Variants in BMERB1 observed in about 807,000 individuals in gnomAD.
The protein encoded by BMERB1 is bMERB domain-containing protein 1.
In BMERB1, 12 loss-of-function variants were observed where a neutral mutation model predicts 23.6. The ratio of observed to expected loss-of-function variants is 0.51; its 90% CI spans 0.33 to 0.82. The LOEUF (loss-of-function observed/expected upper bound fraction) is 0.82, where lower values mean the gene tolerates loss of function less well. Ranked by LOEUF, BMERB1 falls within the 40% of genes least tolerant of loss-of-function variation. BMERB1 has a pLI of 0.03. For missense variants in BMERB1, 247 were observed against 255.4 expected (o/e 0.97, Z 0.22); for synonymous variants, 122 against 96.6 (o/e 1.26, Z -1.54).
At chr16:15,439,061 T>C (rs1189096561) in intron 1 of BMERB1, among the ~76,000 whole-genome samples, 1 of 152,228 alleles carries the variant, frequency 6.6e-6, no homozygotes, top group Admixed American at 6.5e-5. Flanking sequence ...TTAAACAGAA[T>C]TGAAGAGGGG....
At chr16:15,525,119 ACTG>A (rs149898971) in intron 2 of BMERB1, among the ~76,000 whole-genome samples, 2,051 of 152,350 alleles carry the variant, frequency 0.013, 18 homozygotes, top group South Asian at 0.024. Flanking sequence ...AGTAAAGCAG[ACTG>A]CCCTCCCTAA....
chr16:15,464,579 A>T (rs2051165853), intron 1 of BMERB1, among the ~76,000 whole-genome samples: 1 of 152,182 alleles, frequency 6.6e-6, no homozygotes, highest in South Asian at 2.1e-4. Context: ...GAGGTGGATT[A>T]TTCATGAGTT....
intron 1 of BMERB1, among the ~76,000 whole-genome samples, chr16:15,455,025 AGAG>A (rs990512340): frequency 1.3e-5 from 2 of 152,018 alleles, no homozygotes; most frequent in Non-Finnish European, 2.9e-5. Context: ...GCTGAAATGA[AGAG>A]GAGAAGTGTA....
intron 1 of BMERB1, among the ~76,000 whole-genome samples, chr16:15,503,003 C>T (rs1485711283): frequency 6.6e-6 from 1 of 152,194 alleles, no homozygotes; most frequent in African/African-American, 2.4e-5. Context: ...TGTCTAGGCA[C>T]TACACCAAGC....
chr16:15,531,276 T>TA (rs1340100876), intron 2 of BMERB1, among the ~76,000 whole-genome samples: 5 of 152,118 alleles, frequency 3.3e-5, no homozygotes, highest in Non-Finnish European at 7.3e-5. Flanking sequence ...AATGGACTAA[T>TA]ACAGTTGGGA....
intron 2 of BMERB1, among the ~76,000 whole-genome samples, chr16:15,516,163 C>T (rs1413937241): frequency 2.6e-5 from 4 of 152,116 alleles, no homozygotes; most frequent in Non-Finnish European, 4.4e-5. Flanking sequence ...GTGGCTCACA[C>T]CTGTAATCAC....
At chr16:15,498,783 G>A (rs988639310) in intron 1 of BMERB1, among the ~76,000 whole-genome samples, 1 of 152,208 alleles carries the variant, frequency 6.6e-6, no homozygotes, top group Non-Finnish European at 1.5e-5. Flanking sequence ...TGTCCCCCAG[G>A]GGATACTTGC....
intron 1 of BMERB1, among the ~76,000 whole-genome samples, chr16:15,509,062 G>T (rs571650906): frequency 1.1e-4 from 17 of 151,884 alleles, no homozygotes; most frequent in South Asian, 8.3e-4. Flanking sequence ...TGGCACCACC[G>T]CCTCCATCCT....
intron 1 of BMERB1, among the ~76,000 whole-genome samples, chr16:15,508,828 C>CAA (rs1181215065): frequency 0.022 from 1,259 of 55,982 alleles, 29 homozygotes; most frequent in African/African-American, 0.076. Context: ...CCTGCCCCAC[C>CAA]AAAAAAAAAA....
At chr16:15,473,901 T>A (rs1235774796) in intron 1 of BMERB1, among the ~76,000 whole-genome samples, 2 of 151,840 alleles carry the variant, frequency 1.3e-5, no homozygotes, top group African/African-American at 4.8e-5. Context: ...AGGCGGATCA[T>A]GAGGTCAGGA....
intron 1 of BMERB1, among the ~76,000 whole-genome samples, chr16:15,444,814 CT>C (rs1044754988): frequency 1.3e-5 from 2 of 152,154 alleles, no homozygotes; most frequent in African/African-American, 4.8e-5. Flanking sequence ...GTTATTTCAC[CT>C]TTTTTTCCCC....
intron 1 of BMERB1, among the ~76,000 whole-genome samples, chr16:15,487,493 T>A (rs1183601024): frequency 5.3e-5 from 8 of 152,066 alleles, no homozygotes; most frequent in Non-Finnish European, 1.5e-5. Context: ...AGGAAAGGGG[T>A]CCCGATCCAG....
At chr16:15,446,880 A>G (rs2050994543) in intron 1 of BMERB1, among the ~76,000 whole-genome samples, 1 of 152,172 alleles carries the variant, frequency 6.6e-6, no homozygotes, top group African/African-American at 2.4e-5. Flanking sequence ...CGTTCACAAA[A>G]ATGGAGGAGG....
At chr16:15,439,226 C>T (rs926067591) in intron 1 of BMERB1, among the ~76,000 whole-genome samples, 2 of 152,120 alleles carry the variant, frequency 1.3e-5, no homozygotes, top group East Asian at 3.8e-4. Context: ...TTCAAACCAG[C>T]CTCATTCAGC....
intron 2 of BMERB1, among the ~76,000 whole-genome samples, chr16:15,526,136 A>G (rs1369105607): frequency 6.6e-6 from 1 of 152,210 alleles, no homozygotes; most frequent in Non-Finnish European, 1.5e-5. Flanking sequence ...GAAAGCATAC[A>G]TTTGTATAGG....
chr16:15,520,149 GA>G (rs1388622733), intron 2 of BMERB1, among the ~76,000 whole-genome samples: 3 of 152,222 alleles, frequency 2.0e-5, no homozygotes, highest in African/African-American at 7.2e-5. Flanking sequence ...TGAGGTCGGA[GA>G]GGCAAAGTGA....
chr16:15,456,107 G>A (rs1177037709), intron 1 of BMERB1, among the ~76,000 whole-genome samples: 1 of 152,032 alleles, frequency 6.6e-6, no homozygotes, highest in Non-Finnish European at 1.5e-5. Context: ...CAATACAAAA[G>A]TGTAGAAAGT....
At chr16:15,571,637 G>C (rs1338784802) in intron 3 of BMERB1, among the ~76,000 whole-genome samples, 1 of 152,090 alleles carries the variant, frequency 6.6e-6, no homozygotes, top group Non-Finnish European at 1.5e-5. Flanking sequence ...TTACAGGTGT[G>C]AGCCACCACA....
At chr16:15,575,675 T>A (rs2030840138) in intron 3 of BMERB1, among the ~76,000 whole-genome samples, 1 of 152,158 alleles carries the variant, frequency 6.6e-6, no homozygotes, top group African/African-American at 2.4e-5. Flanking sequence ...GGAGTGTGCC[T>A]GAGCATAGGG....
Sources: allele counts gnomAD v4.1 joint callset (sites outside exome capture counted in the v4.1 genomes callset), GRCh38; gene constraint gnomAD v4.1.1; transcripts MANE v1.5; gene names NCBI Gene and HGNC (gene_info 2026-07-23, HGNC 2026-07-21).